Variants in PRKN observed in about 807,000 individuals in gnomAD.
PRKN encodes the protein parkin RBR E3 ubiquitin protein ligase.
PRKN carries 56 observed loss-of-function variants against 59.5 expected under a neutral mutation model. That is an observed-to-expected ratio of 0.94 (90% CI 0.76 to 1.18). The LOEUF (loss-of-function observed/expected upper bound fraction) is 1.18, where lower values mean the gene tolerates loss of function less well. Among genes scored for constraint, PRKN ranks in the 50% most tolerant of loss-of-function variants. The pLI, the probability that PRKN is intolerant of heterozygous loss-of-function variation, is 0.00. For missense variants in PRKN, 657 were observed against 596.4 expected, an observed-to-expected ratio of 1.10 and a Z score of -1.06; for synonymous variants, 250 against 222.1, an observed-to-expected ratio of 1.13 and a Z score of -1.12.
rs1787441030 is a variant in PRKN, at chr6:161,409,856, G to T, written c.1084-22979C>A. On this transcript the variant is annotated intron_variant, in intron 9 of 11. Transcript: ENST00000366898. This position sits in a 1 kb window ranked among gnomAD's most constrained non-coding sequence, Gnocchi z 4.6. ...TTCCTCAGATCAATAGAACTGTGAT[G>T]TATCTATATAAATCTGAGTAGCAGA... 6.6e-6 allele frequency among the ~76,000 whole-genome samples: 1 copy of T among 152,146 alleles called. No homozygotes were observed. The highest frequency in any genetic ancestry group is 2.4e-5 in the African/African-American group (1 of 41,424).
intron 3 of PRKN, among the ~76,000 whole-genome samples, chr6:162,227,036 C>T (rs1437601119): frequency 6.6e-6 from 1 of 152,214 alleles, no homozygotes; most frequent in Non-Finnish European, 1.5e-5. Flanking sequence ...CCTGCAAATG[C>T]ACAGTCTTCT....
intron 6 of PRKN, among the ~76,000 whole-genome samples, chr6:161,849,569 C>A (rs1430693014): frequency 6.6e-6 from 1 of 152,148 alleles, no homozygotes; most frequent in Non-Finnish European, 1.5e-5. Flanking sequence ...GGGTCACAGA[C>A]CATGCACTGA....
At position 161,992,294 on chromosome 6, in the gene PRKN, C is replaced by G. The variant is rs950182858; in HGVS notation, c.619-18877G>C. On this transcript the variant is annotated intron_variant, in intron 5 of 11. Transcript: ENST00000366898. ...AGCAGAGGTTTAAGTGAACTGAGAT[C>G]GAGCCACAGCACTCCAGCCTGGGCA... Among the ~76,000 whole-genome samples the G allele has an allele frequency of 3.3e-5, 5 of 151,924 alleles. No homozygotes were observed. In the East Asian group the frequency reaches 9.7e-4, roughly 29 times the overall value.
Position 161,361,063 on chromosome 6 carries a change from G to A in PRKN, c.1168-858C>T, listed in dbSNP as rs1400256763. Among the ~76,000 whole-genome samples, 2 of 151,860 alleles carry A rather than the reference G, an allele frequency of 1.3e-5. No homozygotes were observed. Among genetic ancestry groups the A allele is most frequent in the African/African-American group, 4.8e-5 (2 of 41,330 alleles). ...TGCCTGCACCATCATGTATAAGGAG[G>A]TTTTCTGGTGGGGGTGGAAGCAAGA... is the stretch of plus-strand genomic sequence containing the variant. On this transcript the variant is annotated intron_variant, in intron 10 of 11. Transcript: ENST00000366898. This position sits in a 1 kb window ranked among gnomAD's most constrained non-coding sequence, Gnocchi z 5.2.
chr6:162,288,660 A>G (rs1781300791), intron 2 of PRKN, among the ~76,000 whole-genome samples: 1 of 151,790 alleles, frequency 6.6e-6, no homozygotes, highest in Non-Finnish European at 1.5e-5. Context: ...GCCCCCACCA[A>G]CCCCTTATTG....
intron 7 of PRKN, among the ~76,000 whole-genome samples, chr6:161,717,046 G>A (rs147596536): frequency 1.3e-5 from 2 of 152,298 alleles, no homozygotes; most frequent in Admixed American, 6.5e-5. Context: ...CCAACACCCA[G>A]CTGTCAGAGG....
chr6:161,914,921 A>G (rs1167084020), intron 6 of PRKN, among the ~76,000 whole-genome samples: 1 of 152,170 alleles, frequency 6.6e-6, no homozygotes, highest in Non-Finnish European at 1.5e-5. Context: ...GCATTCCTAG[A>G]CAGCCCAGGC....
intron 1 of PRKN, among the ~76,000 whole-genome samples, chr6:162,559,144 C>G (rs1393500036): frequency 9.5e-6 from 1 of 104,798 alleles, no homozygotes; most frequent in Non-Finnish European, 1.8e-5. Flanking sequence ...GAGCAAGATT[C>G]CGTCTCAAAA....
intron 4 of PRKN, among the ~76,000 whole-genome samples, chr6:162,106,837 C>T (rs926111696): frequency 1.3e-5 from 2 of 152,184 alleles, no homozygotes; most frequent in Non-Finnish European, 2.9e-5. Context: ...GTTGTATGCA[C>T]TCCAGTCTTG....
rs557876257 is a variant in PRKN, at chr6:161,769,403, T to C, written c.871+16369A>G. ...CCAGTTGAGTGGGCTGGTCAATGAA[T>C]TGGCACCATCTGAGTACAGGGTCCT... On this transcript the variant is annotated intron_variant, in intron 7 of 11. Coordinates refer to ENST00000366898, the MANE Select transcript of PRKN (RefSeq NM_004562.3). Among the ~76,000 whole-genome samples, 47 of 152,288 alleles carry C rather than the reference T, an allele frequency of 3.1e-4. No individual in the cohort carries two copies. In the South Asian group the frequency reaches 6.8e-3, roughly 22 times the overall value.
At chr6:162,353,859 C>A (rs1197395801) in intron 2 of PRKN, among the ~76,000 whole-genome samples, 1 of 152,112 alleles carries the variant, frequency 6.6e-6, no homozygotes, top group African/African-American at 2.4e-5. Context: ...TATTTGCTAG[C>A]ACATATTGGC....
intron 7 of PRKN, among the ~76,000 whole-genome samples, chr6:161,603,845 G>A (rs994511510): frequency 6.6e-6 from 1 of 152,214 alleles, no homozygotes; most frequent in African/African-American, 2.4e-5. Flanking sequence ...CTGCTGAGCT[G>A]AAAGGGAAAT....
chr6:162,481,021 G>T (rs1792285447), intron 1 of PRKN, among the ~76,000 whole-genome samples: 1 of 151,694 alleles, frequency 6.6e-6, no homozygotes, highest in Non-Finnish European at 1.5e-5. Context: ...ACAGAGTTTT[G>T]CCATGTTGGC....
intron 2 of PRKN, among the ~76,000 whole-genome samples, chr6:162,307,170 C>T (rs1329050898): frequency 6.6e-6 from 1 of 151,958 alleles, no homozygotes; most frequent in Non-Finnish European, 1.5e-5. Context: ...GAAGCCAAGG[C>T]AAGTGGATCA....
intron 1 of PRKN, among the ~76,000 whole-genome samples, chr6:162,559,323 G>C (rs572751148): frequency 6.6e-6 from 1 of 151,998 alleles, no homozygotes; most frequent in Non-Finnish European, 1.5e-5. Flanking sequence ...TAAAATTTTT[G>C]TTCTATCAAA....
chr6:162,526,895 G>GAC (rs1364171844), intron 1 of PRKN, among the ~76,000 whole-genome samples: 1 of 152,084 alleles, frequency 6.6e-6, no homozygotes, highest in African/African-American at 2.4e-5. Context: ...AGCCCTTTAA[G>GAC]ACACATTGAA....
At chr6:161,938,047 T>C (rs1042401750) in intron 6 of PRKN, among the ~76,000 whole-genome samples, 11 of 152,190 alleles carry the variant, frequency 7.2e-5, no homozygotes, top group Non-Finnish European at 4.4e-5. Flanking sequence ...CCTAGGTCAA[T>C]ATAAAATAAA....
intron 3 of PRKN, among the ~76,000 whole-genome samples, chr6:162,244,183 A>C (rs924908384): frequency 2.6e-5 from 4 of 152,124 alleles, no homozygotes; most frequent in Admixed American, 6.6e-5. Flanking sequence ...ACATTCTACA[A>C]CATCAGTGTA....
At chr6:162,606,665 A>G (rs1462115683) in intron 1 of PRKN, among the ~76,000 whole-genome samples, 1 of 152,172 alleles carries the variant, frequency 6.6e-6, no homozygotes, top group Non-Finnish European at 1.5e-5. Flanking sequence ...TGATATTGAC[A>G]TGAGGAAGAG....
Sources: gnomAD v4.1 joint callset for allele counts (sites outside exome capture counted in the v4.1 genomes callset) on GRCh38, gnomAD v4.1.1 for gene constraint, Gnocchi (gnomAD v3.1) non-coding constraint, MANE v1.5 for transcripts, NCBI Gene and HGNC (gene_info 2026-07-23, HGNC 2026-07-21) for gene names.